The following POP4 variants were observed in gnomAD, a reference collection of about 807,000 sequenced individuals.
The protein encoded by POP4 is POP4 ribonuclease P/MRP subunit.
In POP4, 31 loss-of-function variants were observed where a neutral mutation model predicts 29.9. That is an observed-to-expected ratio of 1.04 (90% CI 0.78 to 1.40). POP4 has a LOEUF of 1.40. Among genes scored for constraint, POP4 ranks in the 40% most tolerant of loss-of-function variants. The pLI is 0.00. For missense variants in POP4, 286 were observed against 282.7 expected (o/e 1.01, Z -0.08); for synonymous variants, 110 against 108.2 (o/e 1.02, Z -0.10).
intron 6 of POP4, among the ~76,000 whole-genome samples, chr19:29,614,260 G>C (rs1322699619): frequency 1.3e-5 from 2 of 152,200 alleles, no homozygotes; most frequent in Non-Finnish European, 2.9e-5. Context: ...CCCCAGGAGA[G>C]GGCCTCCACC....
At chr19:29,614,672 T>G (rs954996979) in intron 6 of POP4, among the ~76,000 whole-genome samples, 5 of 151,944 alleles carry the variant, frequency 3.3e-5, no homozygotes, top group African/African-American at 1.2e-4. Context: ...CCCGGCTAAT[T>G]TTTGTATTTT....
In POP4 at chr19:29,615,315, T is replaced by G. The variant is rs1315860307; in HGVS notation, c.598T>G (p.Phe200Val). The G allele has an allele frequency of 6.2e-7, 1 of 1,610,882 alleles. No individual in the cohort carries two copies. Among genetic ancestry groups the G allele is most frequent in the Non-Finnish European group, 8.5e-7 (1 of 1,178,528 alleles). ...TATTTCCTACATTTACGGGAGCAAA[T>G]TCCAGCTTCGGTCAAGTGAACGGTC... ...GFISYIYGSK[F>V]QLRSSERSAK... Residue 200 changes from phenylalanine to valine, a missense_variant, in exon 7 of 7, where the codon TTC becomes GTC. Coordinates refer to ENST00000585603, the MANE Select transcript of POP4 (RefSeq NM_006627.3).
intron 6 of POP4, 111 bp downstream of exon 6, chr19:29,614,083 A>T: frequency 6.8e-7 from 1 of 1,470,370 alleles, no homozygotes; most frequent in East Asian, 2.5e-5. Context: ...GTCAGCGCAG[A>T]TTGCAGATAC....
At chr19:29,611,560 C>G (rs1436887752) in intron 3 of POP4, 2 of 295,588 alleles carry the variant, frequency 6.8e-6, no homozygotes. Context: ...TTTCACGTAA[C>G]AGAAAACCTC....
chr19:29,610,722 T>G, intron 3 of POP4, 90 bp downstream of exon 3: 1 of 1,323,370 alleles, frequency 7.6e-7, no homozygotes, highest in Non-Finnish European at 1.0e-6. Flanking sequence ...GCAGCCTGGC[T>G]CCACCTAAGC....
intron 4 of POP4, 35 bp from the exon 5 acceptor site, chr19:29,612,082 A>G (rs763602472): frequency 1.3e-5 from 21 of 1,595,268 alleles, no homozygotes; most frequent in Middle Eastern, 1.7e-4. Flanking sequence ...ACTTTTTATC[A>G]TGATGTAAAC....
rs748249595 is a variant in POP4 at position 29,611,880 on chromosome 19, T to G, written c.303T>G (p.Pro101=). The change falls in exon 4 of 7, where the codon CCT becomes CCG. Residue 101 remains proline, a synonymous_variant. Transcript: ENST00000585603. ...GCTGCAGATACAGCCTTTTCCTCCC[T>G]CTCCATGAACTCTGGAAACAGTACA... ...PEQQRYSLFL[P]LHELWKQYIR... The G allele has an allele frequency of 1.9e-6, 3 of 1,614,140 alleles. No homozygotes were observed. Among genetic ancestry groups the G allele is most frequent in the South Asian group, 2.2e-5 (2 of 91,084 alleles).
intron 1 of POP4, among the ~76,000 whole-genome samples, chr19:29,606,912 T>A (rs1437411744): frequency 6.6e-6 from 1 of 152,166 alleles, no homozygotes; most frequent in Non-Finnish European, 1.5e-5. Context: ...AGAAAAAATA[T>A]GTGTACCTTG....
intron 1 of POP4, chr19:29,606,556 T>A: frequency 4.2e-6 from 2 of 478,350 alleles, no homozygotes; most frequent in Non-Finnish European, 7.3e-6. Context: ...TCCCGGAGGC[T>A]GCTCAGTGGT....
chr19:29,614,693 A>G (rs1281024393), intron 6 of POP4, among the ~76,000 whole-genome samples: 1 of 151,962 alleles, frequency 6.6e-6, no homozygotes, highest in East Asian at 1.9e-4. Flanking sequence ...TAGTAGAGGC[A>G]GGGTTTCACC....
In POP4 at chr19:29,611,947, G is replaced by C. The variant is rs1488152663; in HGVS notation, c.362+8G>C. ...TGGGCTCAAGCCAGACACGTAAGTT[G>C]CATTCCTGAAGCTTTGCTCTTTGGG... On this transcript the variant is annotated splice_region_variant and intron_variant, in intron 4 of 6. Transcript: ENST00000585603. 1 of 1,612,972 alleles carries C rather than the reference G, an allele frequency of 6.2e-7. No homozygotes were observed. The highest frequency in any genetic ancestry group is 2.2e-5 in the East Asian group (1 of 44,886).
intron 5 of POP4, among the ~76,000 whole-genome samples, chr19:29,612,959 T>C (rs750987216): frequency 2.0e-5 from 3 of 152,048 alleles, no homozygotes; most frequent in Non-Finnish European, 4.4e-5. Flanking sequence ...CGTATGGGAG[T>C]AAACCTGCCT....
chr19:29,616,370 A>T lies in POP4; in HGVS notation c.*990A>T, dbSNP rs915020320. On this transcript the variant is annotated 3_prime_UTR_variant, in exon 7 of 7. Coordinates refer to ENST00000585603, the MANE Select transcript of POP4 (RefSeq NM_006627.3). ...CCAGCCTACCAGATGGGTTGGAAAC[A>T]TGGCTCAGAAGGACCAACTACCCCT... is the stretch of plus-strand genomic sequence containing the variant. 6.6e-6 allele frequency: 1 copy of T among 152,404 alleles called. No homozygotes were observed. Among genetic ancestry groups the T allele is most frequent in the Non-Finnish European group, 1.5e-5 (1 of 68,224 alleles). The allele number at this position is 152,404 out of a possible 1,614,324, so 9.4% of individuals were successfully genotyped here.
At chr19:29,611,362 G>A (rs896272115) in intron 3 of POP4, among the ~76,000 whole-genome samples, 4 of 152,278 alleles carry the variant, frequency 2.6e-5, no homozygotes, top group East Asian at 3.9e-4. Context: ...TTGTGGTAAC[G>A]GATTCCCCAC....
At chr19:29,608,860 A>G in intron 2 of POP4, 151 bp downstream of exon 2, 1 of 708,666 alleles carries the variant, frequency 1.4e-6, no homozygotes, top group Admixed American at 2.7e-5. Context: ...CAAAGTCTGT[A>G]GTTCTCATTA....
chr19:29,612,542 C>T (rs1971082605), intron 5 of POP4, among the ~76,000 whole-genome samples: 1 of 152,112 alleles, frequency 6.6e-6, no homozygotes, highest in African/African-American at 2.4e-5. Flanking sequence ...CCTGACAGCC[C>T]CCAAGGTGAC....
At chr19:29,608,513 G>T (rs181048017) in intron 1 of POP4, 144 bp from the exon 2 acceptor site, 5 of 708,436 alleles carry the variant, frequency 7.1e-6, no homozygotes, top group Non-Finnish European at 1.2e-5. Context: ...GTCAGGATCC[G>T]CCCGCCTTGG....
At chr19:29,607,282 GAA>G (rs10625292) in intron 1 of POP4, among the ~76,000 whole-genome samples, 1 of 146,452 alleles carries the variant, frequency 6.8e-6, no homozygotes, top group Non-Finnish European at 1.5e-5. Context: ...ACAAAAACTG[GAA>G]AAAAAAAAAA....
chr19:29,610,218 A>C (rs990737853), intron 2 of POP4, 191 bp from the exon 3 acceptor site: 7 of 593,632 alleles, frequency 1.2e-5, no homozygotes, highest in Non-Finnish European at 2.1e-5. Context: ...TTGGTGTGTG[A>C]GTGTGACTTA....
Sources: gnomAD v4.1 joint callset for allele counts (sites outside exome capture counted in the v4.1 genomes callset) on GRCh38, gnomAD v4.1.1 for gene constraint, MANE v1.5 for transcripts, NCBI Gene and HGNC (gene_info 2026-07-23, HGNC 2026-07-21) for gene names.